Variants in GRM8 observed in about 807,000 individuals in gnomAD.
GRM8 encodes the protein glutamate metabotropic receptor 8.
In GRM8, 47 loss-of-function variants were observed where a neutral mutation model predicts 87.2. The observed-to-expected ratio is 0.54, with a 90% CI of 0.43 to 0.69. GRM8 has a LOEUF of 0.69. Ranked by LOEUF, GRM8 falls within the 30% of genes least tolerant of loss-of-function variation. GRM8 has a pLI of 0.00. For missense variants in GRM8, 1,019 were observed against 1,139.2 expected (o/e 0.89, Z 1.52); for synonymous variants, 396 against 404.5 (o/e 0.98, Z 0.25).
intron 2 of GRM8, among the ~76,000 whole-genome samples, chr7:127,205,889 T>C (rs148467256): frequency 6.6e-6 from 1 of 152,218 alleles, no homozygotes; most frequent in East Asian, 1.9e-4. Context: ...ATCCACAAAA[T>C]AGGTTCCTCT....
At chr7:127,021,932 T>G (rs2132223560) in intron 3 of GRM8, among the ~76,000 whole-genome samples, 1 of 152,218 alleles carries the variant, frequency 6.6e-6, no homozygotes, top group African/African-American at 2.4e-5. Context: ...TCCTTCCATT[T>G]CAGTTTCATA....
intron 2 of GRM8, among the ~76,000 whole-genome samples, chr7:127,154,588 A>C (rs1313167785): frequency 6.6e-6 from 1 of 152,234 alleles, no homozygotes; most frequent in African/African-American, 2.4e-5. Flanking sequence ...TTTGTTCCCC[A>C]TAACTTGAAA....
chr7:126,576,641 A>C (rs1487027964), intron 8 of GRM8, among the ~76,000 whole-genome samples: 1 of 151,882 alleles, frequency 6.6e-6, no homozygotes, highest in African/African-American at 2.4e-5. Context: ...CTTCTGTTAA[A>C]CCTCTACAGA....
chr7:126,870,254 C>G (rs1268607164), intron 6 of GRM8: 2 of 152,170 alleles, frequency 1.3e-5, no homozygotes, highest in Non-Finnish European at 2.9e-5. Flanking sequence ...CATTGTGGCT[C>G]GTTTGATCTT....
intron 2 of GRM8, among the ~76,000 whole-genome samples, chr7:127,119,504 ACACACACACACATG>A (rs935294767): frequency 1.3e-5 from 2 of 151,848 alleles, no homozygotes; most frequent in Non-Finnish European, 2.9e-5. Flanking sequence ...TCTCTCTCAC[ACACACACACACATG>A]CACACACACA....
At chr7:126,557,571 C>T (rs2150949033) in intron 8 of GRM8, among the ~76,000 whole-genome samples, 1 of 152,066 alleles carries the variant, frequency 6.6e-6, no homozygotes, top group East Asian at 1.9e-4. Flanking sequence ...TACAACACTT[C>T]CTATTATAAA....
chr7:126,787,344 G>A (rs1026308731), intron 6 of GRM8, among the ~76,000 whole-genome samples: 1 of 152,124 alleles, frequency 6.6e-6, no homozygotes, highest in African/African-American at 2.4e-5. Flanking sequence ...CAAAAAGAGG[G>A]GAGGGAGTAA....
At chr7:126,582,393 A>T (rs1323520610) in intron 8 of GRM8, among the ~76,000 whole-genome samples, 1 of 152,182 alleles carries the variant, frequency 6.6e-6, no homozygotes, top group African/African-American at 2.4e-5. Context: ...AAGACAGCAG[A>T]GGTTTGTTCA....
Position 126,533,232 on chromosome 7 carries a change from T to A in GRM8, c.2150A>T (p.Asp717Val). 1 of 1,613,200 alleles carries A rather than the reference T, an allele frequency of 6.2e-7. No individual in the cohort carries two copies. Among genetic ancestry groups the A allele is most frequent in the Non-Finnish European group, 8.5e-7 (1 of 1,179,818 alleles). The change falls in exon 9 of 11, where the codon GAT becomes GTT. Residue 717 changes from aspartate (D) to valine (V), a missense_variant. By Grantham distance (152) the Asp-to-Val change is radical. Transcript: ENST00000339582. ...ATAGTCAATGATGATGTGGGGGGGA[T>A]CCACAACAAACCAGACAAACACTCC... ...LLGVFVWFVV[D>V]PPHIIIDYGE...
intron 7 of GRM8, among the ~76,000 whole-genome samples, chr7:126,706,767 C>A (rs1038419795): frequency 2.0e-5 from 3 of 152,160 alleles, no homozygotes; most frequent in Non-Finnish European, 4.4e-5. Context: ...TGAGTAGTTA[C>A]AGCCACAGAT....
chr7:127,113,022 C>A (rs1277937933), intron 2 of GRM8, among the ~76,000 whole-genome samples: 1 of 152,176 alleles, frequency 6.6e-6, no homozygotes, highest in Non-Finnish European at 1.5e-5. Context: ...CTGTGTCTCT[C>A]CATGTTGCCT....
intron 2 of GRM8, among the ~76,000 whole-genome samples, chr7:127,123,290 C>T (rs958504146): frequency 5.9e-5 from 9 of 152,146 alleles, no homozygotes; most frequent in African/African-American, 1.9e-4. Context: ...CCAAACCTCA[C>T]GTTGAAATTT....
At chr7:126,585,916 G>A (rs1796071239) in intron 8 of GRM8, among the ~76,000 whole-genome samples, 1 of 152,138 alleles carries the variant, frequency 6.6e-6, no homozygotes, top group Non-Finnish European at 1.5e-5. Flanking sequence ...TGACATGATT[G>A]TGTATTTAGA....
chr7:126,646,635 G>GT (rs5887300), intron 7 of GRM8, among the ~76,000 whole-genome samples: 46,821 of 152,078 alleles, frequency 0.31, 8,076 homozygotes, highest in East Asian at 0.43. Flanking sequence ...GCAGGCTTAG[G>GT]TAAGTCTGAA....
At chr7:126,750,490 A>G (rs1716508946) in intron 7 of GRM8, among the ~76,000 whole-genome samples, 1 of 152,096 alleles carries the variant, frequency 6.6e-6, no homozygotes, top group Admixed American at 6.6e-5. Flanking sequence ...ACCTCAATTA[A>G]GCCGACGAAG....
intron 3 of GRM8, among the ~76,000 whole-genome samples, chr7:126,958,198 C>T (rs966594754): frequency 7.9e-5 from 12 of 152,280 alleles, no homozygotes; most frequent in Admixed American, 5.9e-4. Flanking sequence ...CTTCATTCTT[C>T]CTGGATGTGG....
chr7:126,784,921 G>A (rs1367571920), intron 6 of GRM8, among the ~76,000 whole-genome samples: 1 of 152,124 alleles, frequency 6.6e-6, no homozygotes, highest in Non-Finnish European at 1.5e-5. Context: ...TTTAGATGAA[G>A]ATATAAACGT....
At chr7:126,596,534 G>A (rs1305973322) in intron 8 of GRM8, among the ~76,000 whole-genome samples, 1 of 152,088 alleles carries the variant, frequency 6.6e-6, no homozygotes, top group Non-Finnish European at 1.5e-5. Flanking sequence ...ACAAAATTAT[G>A]TAAATAGAGA....
At chr7:126,992,814 TG>T in intron 3 of GRM8, among the ~76,000 whole-genome samples, 1 of 150,780 alleles carries the variant, frequency 6.6e-6, no homozygotes, top group South Asian at 2.1e-4. Context: ...TCCGTGTGTG[TG>T]TGTGTGTGTG....
Sources: gnomAD v4.1 joint callset for allele counts (sites outside exome capture counted in the v4.1 genomes callset) on GRCh38, gnomAD v4.1.1 for gene constraint, MANE v1.5 for transcripts, NCBI Gene and HGNC (gene_info 2026-07-23, HGNC 2026-07-21) for gene names.